Variants in NBEA observed in about 807,000 individuals in gnomAD.
NBEA encodes lysosomal-trafficking regulator 2.
In NBEA, 44 loss-of-function variants were observed where a neutral mutation model predicts 343.4. That is an observed-to-expected ratio of 0.13 (90% CI 0.10 to 0.16). The LOEUF (loss-of-function observed/expected upper bound fraction) is 0.16. Ranked by LOEUF, NBEA falls within the 10% of genes least tolerant of loss-of-function variation. The pLI is 1.00. For synonymous variants in NBEA, 1,175 were observed against 1,238.7 expected, an observed-to-expected ratio of 0.95 and a Z score of 1.08; for missense variants, 2,555 against 3,631.3, an observed-to-expected ratio of 0.70 and a Z score of 7.62.
rs1488866314 is a variant in NBEA, at chr13:35,654,935, G to A, written c.8116G>A (p.Val2706Ile). ...SIQINAHCFV[V>I]TADNRYILIC... is the part of the protein sequence containing the mutation. ...ACAAATCAATGCACATTGTTTTGTGGTAACAGCAGATAATCGCTATATTCT... is the reference window on the plus strand; with the variant it reads ...ACAAATCAATGCACATTGTTTTGTGATAACAGCAGATAATCGCTATATTCT... Residue 2706 changes from valine (V) to isoleucine (I), a missense_variant, in exon 54 of 59, where the codon GTA (valine) becomes ATA (isoleucine). Physicochemically the swap from Val to Ile is conservative, Grantham distance 29. Around this residue, in one of 21 missense-constraint regions of NBEA, gnomAD observed 39 missense variants for 37.9 expected, o/e 1.03. Transcript: ENST00000379939. 1.9e-6 allele frequency: 3 copies of A among 1,589,098 alleles called. No individual in the cohort carries two copies. Among genetic ancestry groups the A allele is most frequent in the Non-Finnish European group, 2.6e-6 (3 of 1,171,572 alleles).
rs146114445 is a variant in NBEA at position 35,430,483 on chromosome 13, A to C, written c.6180-1786A>C. ...ATCTATTTATCCTTCTTTTTGTTGC[A>C]CTTACTTCTGGGTTCTTGGTCATGA... On this transcript the variant is annotated intron_variant, in intron 38 of 58. Transcript: ENST00000379939. 3.9e-3 allele frequency among the ~76,000 whole-genome samples: 586 copies of C among 152,106 alleles called. 2 individuals are homozygous for C. The highest frequency in any genetic ancestry group is 0.014 in the Middle Eastern group (4 of 290).
intron 8 of NBEA, among the ~76,000 whole-genome samples, chr13:35,061,957 C>G (rs1325563209): frequency 6.6e-6 from 1 of 151,520 alleles, no homozygotes; most frequent in Non-Finnish European, 1.5e-5. Flanking sequence ...CAGAAAGTTT[C>G]TCTACAATAT....
intron 33 of NBEA, among the ~76,000 whole-genome samples, chr13:35,217,771 T>A (rs2074145104): frequency 6.6e-6 from 1 of 152,098 alleles, no homozygotes; most frequent in African/African-American, 2.4e-5. Context: ...AGATCTCTCC[T>A]TTCTGGCTGG....
intron 34 of NBEA, among the ~76,000 whole-genome samples, chr13:35,288,070 G>T (rs1271385523): frequency 6.6e-6 from 1 of 151,918 alleles, no homozygotes; most frequent in Non-Finnish European, 1.5e-5. Context: ...CTCATAAGTG[G>T]AGATATCAAA....
chr13:35,645,050 C>T (rs1051069550), intron 49 of NBEA, among the ~76,000 whole-genome samples: 2 of 152,198 alleles, frequency 1.3e-5, no homozygotes, highest in Admixed American at 6.5e-5. Flanking sequence ...TTTGCAGGTT[C>T]GCATTTTTAT....
intron 44 of NBEA, among the ~76,000 whole-genome samples, chr13:35,560,886 G>A (rs999561763): frequency 6.6e-6 from 1 of 152,154 alleles, no homozygotes; most frequent in Non-Finnish European, 1.5e-5. Context: ...CATACCAGCA[G>A]TTCTCAGACT....
intron 12 of NBEA, 88 bp from the exon 13 acceptor site, chr13:35,110,722 C>A: frequency 9.4e-7 from 1 of 1,058,298 alleles, no homozygotes; most frequent in Non-Finnish European, 1.3e-6. Flanking sequence ...TTTACTAATT[C>A]ACATTTAAAT....
chr13:35,536,003 A>C (rs1021364718), intron 41 of NBEA, among the ~76,000 whole-genome samples: 3 of 152,170 alleles, frequency 2.0e-5, no homozygotes, highest in African/African-American at 7.2e-5. Flanking sequence ...TCATTCTACC[A>C]CTTCTCTTCA....
intron 40 of NBEA, among the ~76,000 whole-genome samples, chr13:35,457,996 T>C (rs1242524908): frequency 6.6e-6 from 1 of 152,254 alleles, no homozygotes; most frequent in East Asian, 1.9e-4. Context: ...ATTCAAGTTG[T>C]TTCCACCTTT....
rs73483950 is a variant in NBEA, at chr13:35,092,043, A to G, written c.1572-6254A>G. On this transcript the variant is annotated intron_variant, in intron 10 of 58. Transcript: ENST00000379939. ...TAAGACTGACTTTTAAGCTGTAATA[A>G]TGAAGACCGAGTAATATTAGTAAAC... Among the ~76,000 whole-genome samples the G allele has an allele frequency of 6.4e-3, 969 of 152,138 alleles. 11 individuals are homozygous for G. The highest frequency in any genetic ancestry group is 0.022 in the African/African-American group (928 of 41,526).
intron 24 of NBEA, among the ~76,000 whole-genome samples, chr13:35,168,243 T>G (rs1214877739): frequency 6.6e-6 from 1 of 151,616 alleles, no homozygotes; most frequent in Non-Finnish European, 1.5e-5. Flanking sequence ...TCACATGTAC[T>G]TGTCAAAAAT....
chr13:35,249,428 C>G (rs555275038), intron 34 of NBEA, among the ~76,000 whole-genome samples: 1 of 151,990 alleles, frequency 6.6e-6, no homozygotes, highest in Non-Finnish European at 1.5e-5. Context: ...AATAAAACTA[C>G]AAATAACCCA....
chr13:35,394,434 C>G (rs1219615586), intron 38 of NBEA, among the ~76,000 whole-genome samples: 1 of 152,002 alleles, frequency 6.6e-6, no homozygotes, highest in Non-Finnish European at 1.5e-5. Context: ...TTAAGTGTTA[C>G]AGTAAAGCTG....
chr13:35,322,650 T>G (rs1261255273), intron 36 of NBEA, among the ~76,000 whole-genome samples: 2 of 152,210 alleles, frequency 1.3e-5, no homozygotes, highest in Non-Finnish European at 2.9e-5. Flanking sequence ...ATAAACATAC[T>G]GAGTTTCATA....
At chr13:35,237,436 C>A (rs1057188826) in intron 34 of NBEA, among the ~76,000 whole-genome samples, 3 of 152,202 alleles carry the variant, frequency 2.0e-5, no homozygotes, top group African/African-American at 7.2e-5. Flanking sequence ...TACTCTTACT[C>A]ATTCTTTGTT....
At chr13:35,082,658 C>G (rs2064481430) in intron 10 of NBEA, among the ~76,000 whole-genome samples, 1 of 152,188 alleles carries the variant, frequency 6.6e-6, no homozygotes, top group Non-Finnish European at 1.5e-5. Flanking sequence ...TTGCATTTCT[C>G]TGATGGCCAG....
chr13:35,421,829 A>C (rs1466649408), intron 38 of NBEA, among the ~76,000 whole-genome samples: 2 of 152,122 alleles, frequency 1.3e-5, no homozygotes, highest in African/African-American at 2.4e-5. Flanking sequence ...CACCTAAAAA[A>C]TATTTTGCCA....
At chr13:35,426,590 A>C (rs1485552213) in intron 38 of NBEA, among the ~76,000 whole-genome samples, 1 of 151,912 alleles carries the variant, frequency 6.6e-6, no homozygotes, top group Non-Finnish European at 1.5e-5. Context: ...TTTTTCCTTC[A>C]TTTCAACTTT....
intron 40 of NBEA, among the ~76,000 whole-genome samples, chr13:35,462,235 A>C (rs1034976482): frequency 8.5e-5 from 13 of 152,340 alleles, no homozygotes; most frequent in Middle Eastern, 3.4e-3. Flanking sequence ...TCTGCCCTCC[A>C]GGAAGTTATA....
Sources: gnomAD v4.1 joint callset for allele counts (sites outside exome capture counted in the v4.1 genomes callset) on GRCh38, gnomAD v4.1.1 for gene constraint, gnomAD v4.1.1 regional missense constraint, MANE v1.5 for transcripts, NCBI Gene and HGNC (gene_info 2026-07-23, HGNC 2026-07-21) for gene names.